Variants in SPEN observed in about 807,000 individuals in gnomAD.
The protein encoded by SPEN is spen family transcriptional repressor.
SPEN carries 18 observed loss-of-function variants against 269.9 expected under a neutral mutation model. The ratio of observed to expected loss-of-function variants is 0.07; its 90% CI spans 0.05 to 0.10. The LOEUF (loss-of-function observed/expected upper bound fraction) is 0.10. Ranked by LOEUF, SPEN falls within the 10% of genes least tolerant of loss-of-function variation. The probability of loss-of-function intolerance (pLI) is 1.00; values close to 1 mark genes in which losing one functional copy is unlikely to be tolerated. For missense variants in SPEN, 3,822 were observed against 4,631.2 expected, an observed-to-expected ratio of 0.83 and a Z score of 5.07; for synonymous variants, 1,726 against 1,765.7, an observed-to-expected ratio of 0.98 and a Z score of 0.56.
chr1:15,850,145 A>G (rs901547171), intron 1 of SPEN, among the ~76,000 whole-genome samples: 2 of 152,096 alleles, frequency 1.3e-5, no homozygotes, highest in African/African-American at 4.8e-5. Context: ...GCCAGGACCC[A>G]CTTTATGTGG....
Position 15,939,205 on chromosome 1 carries a change from T to TAAAG in SPEN, c.10864-90_10864-89insAAGA, listed in dbSNP as rs891625330. ...TTGGGGACTGATTTGGCCTGGCTCT[T>TAAAG]AGCATTGGGCCTCTTCAGGGCTCCC... On this transcript the variant is annotated intron_variant, in intron 14 of 14. Transcript: ENST00000375759. The surrounding 1 kb of genome is among the most constrained non-coding windows in gnomAD (Gnocchi z 4.1). 5.2e-5 allele frequency: 77 copies of TAAAG among 1,468,092 alleles called. No individual in the cohort carries two copies. The highest frequency in any genetic ancestry group is 6.5e-5 in the Non-Finnish European group (72 of 1,104,212). 90.9% of individuals were successfully genotyped at this position (1,468,092 alleles called of 1,614,324 possible). A position where few individuals can be genotyped will look rare whatever the true frequency, so the allele number is the denominator to read the frequency against.
intron 1 of SPEN, among the ~76,000 whole-genome samples, chr1:15,864,607 GTTT>G (rs34116041): frequency 9.7e-5 from 8 of 82,608 alleles, no homozygotes; most frequent in Admixed American, 1.3e-4. Flanking sequence ...AGGTTTGTGG[GTTT>G]TTTTTTTTTT....
intron 3 of SPEN, among the ~76,000 whole-genome samples, chr1:15,906,453 C>CTTTTTTTTTTTTT (rs200731520): frequency 4.3e-5 from 4 of 92,540 alleles, no homozygotes; most frequent in Admixed American, 2.3e-4. Context: ...TCTTTCTTTC[C>CTTTTTTTTTTTTT]TTTTTTTTTT....
intron 1 of SPEN, among the ~76,000 whole-genome samples, chr1:15,867,307 ACAT>A (rs2148708277): frequency 6.6e-6 from 1 of 152,274 alleles, no homozygotes; most frequent in Non-Finnish European, 1.5e-5. Flanking sequence ...ATATATCAGA[ACAT>A]CATTCTTTTT....
intron 3 of SPEN, among the ~76,000 whole-genome samples, chr1:15,897,435 T>C (rs2070853436): frequency 6.6e-6 from 1 of 151,764 alleles, no homozygotes; most frequent in African/African-American, 2.4e-5. Flanking sequence ...TAGTCTCGGC[T>C]AACCGCAACC....
chr1:15,915,538 T>C (rs2071050192), intron 5 of SPEN, among the ~76,000 whole-genome samples: 1 of 152,186 alleles, frequency 6.6e-6, no homozygotes, highest in South Asian at 2.1e-4. Context: ...TTATTTTTTC[T>C]ATTTTATTTT....
At chr1:15,923,739 G>A (rs1488470770) in intron 10 of SPEN, among the ~76,000 whole-genome samples, 2 of 149,404 alleles carry the variant, frequency 1.3e-5, no homozygotes, top group African/African-American at 5.0e-5. Context: ...ATGCGATATT[G>A]GCTTACTGCA....
At chr1:15,918,383 T>A (rs566740833) in intron 6 of SPEN, among the ~76,000 whole-genome samples, 1 of 152,362 alleles carries the variant, frequency 6.6e-6, no homozygotes, top group South Asian at 2.1e-4. Flanking sequence ...CATGCCTGGC[T>A]AATTTTTGTA....
chr1:15,873,267 C>T (rs1230616054), intron 2 of SPEN, 131 bp downstream of exon 2: 11 of 1,399,150 alleles, frequency 7.9e-6, no homozygotes, highest in South Asian at 1.8e-5. Context: ...GGGTTGGAAA[C>T]GGAAGTGATT....
intron 3 of SPEN, among the ~76,000 whole-genome samples, chr1:15,906,453 C>CTTTTT (rs200731520): frequency 1.4e-3 from 131 of 92,570 alleles, no homozygotes; most frequent in Non-Finnish European, 1.9e-3. Flanking sequence ...TCTTTCTTTC[C>CTTTTT]TTTTTTTTTT....
intron 3 of SPEN, among the ~76,000 whole-genome samples, chr1:15,905,717 C>T (rs531016651): frequency 7.2e-5 from 11 of 151,814 alleles, no homozygotes; most frequent in African/African-American, 1.2e-4. Context: ...GGACTACAGA[C>T]GCACGCCACC....
intron 3 of SPEN, among the ~76,000 whole-genome samples, chr1:15,883,559 T>C (rs1441908016): frequency 6.6e-6 from 1 of 151,900 alleles, no homozygotes; most frequent in South Asian, 2.1e-4. Context: ...TAGCTGGGAC[T>C]ATAGGCATGC....
chr1:15,892,012 CTTTTTTTTTTTTT>C (rs71003216), intron 3 of SPEN, among the ~76,000 whole-genome samples: 4 of 74,568 alleles, frequency 5.4e-5, no homozygotes, highest in African/African-American at 1.1e-4. Context: ...TTTCTTTTTA[CTTTTTTTTTTTTT>C]TTTTTTTTTT....
At chr1:15,913,544 G>A (rs1454942804) in intron 5 of SPEN, among the ~76,000 whole-genome samples, 7 of 151,890 alleles carry the variant, frequency 4.6e-5, no homozygotes, top group East Asian at 2.0e-4. Context: ...CCAAAACCTC[G>A]ACCTCCTGGG....
chr1:15,876,151 A>G (rs887130191), intron 2 of SPEN, 51 bp from the exon 3 acceptor site: 1 of 1,406,404 alleles, frequency 7.1e-7, no homozygotes. Flanking sequence ...ACTTGCTTTT[A>G]GTTTTGCTTG....
At chr1:15,904,724 A>G (rs1337521341) in intron 3 of SPEN, among the ~76,000 whole-genome samples, 1 of 145,424 alleles carries the variant, frequency 6.9e-6, no homozygotes, top group South Asian at 2.2e-4. Flanking sequence ...AAGTGCTGGG[A>G]TTACAGGCAT....
chr1:15,929,000 T>G lies in SPEN; in HGVS notation c.2760T>G (p.Ser920=), dbSNP rs745885388. The change falls in exon 11 of 15, where the codon TCT becomes TCG. Residue 920 remains serine (S), a synonymous_variant. Coordinates refer to ENST00000375759, the MANE Select transcript of SPEN (RefSeq NM_015001.3). The surrounding 1 kb of genome is among the most constrained non-coding windows in gnomAD (Gnocchi z 5.7). ...SSALDQKLQV[S]QTEPAKSDLS... is the part of the protein sequence containing the mutation. The stretch of plus-strand genomic sequence containing the variant: ...CCCTGGACCAGAAACTTCAGGTCTC[T>G]CAGACGGAGCCTGCAAAATCTGACT... 1 of 1,614,200 alleles carries G rather than the reference T, an allele frequency of 6.2e-7. No individual in the cohort carries two copies. Among genetic ancestry groups the G allele is most frequent in the South Asian group, 1.1e-5 (1 of 91,084 alleles).
In SPEN at chr1:15,932,556, G is replaced by A; in HGVS notation, c.6316G>A (p.Ala2106Thr). Reference protein sequence around the residue: ...VDAAVSPRGAAAQAGERESGV... With the variant: ...VDAAVSPRGATAQAGERESGV... Reference sequence around the variant, plus strand: ...TGCTGCTGTCAGTCCCAGGGGGGCTGCAGCACAGGCAGGGGAGAGGGAATC... The same window carrying A: ...TGCTGCTGTCAGTCCCAGGGGGGCTACAGCACAGGCAGGGGAGAGGGAATC... Residue 2106 changes from alanine to threonine, a missense_variant, in exon 11 of 15, where the codon GCA (alanine) becomes ACA (threonine). Transcript: ENST00000375759. This position sits in a 1 kb window ranked among gnomAD's most constrained non-coding sequence, Gnocchi z 4.2. The A allele has an allele frequency of 6.3e-7, 1 of 1,599,006 alleles. No individual in the cohort carries two copies. The highest frequency in any genetic ancestry group is 8.5e-7 in the Non-Finnish European group (1 of 1,171,018).
Position 15,929,770 on chromosome 1 carries a change from G to A in SPEN, c.3530G>A (p.Arg1177His). ...QSYRKQMEQS[R>H]RKQQMEMEIA... ...TACCGAAAACAAATGGAACAGAGTC[G>A]TAGGAAACAGCAGATGGAAATGGAA... The change falls in exon 11 of 15, where the codon CGT (arginine) becomes CAT (histidine). Residue 1177 changes from arginine (R) to histidine (H), a missense_variant. Physicochemically the swap from Arg to His is conservative, Grantham distance 29. Transcript: ENST00000375759. This position sits in a 1 kb window ranked among gnomAD's most constrained non-coding sequence, Gnocchi z 5.8. The A allele has an allele frequency of 6.2e-7, 1 of 1,614,138 alleles. No individual in the cohort carries two copies. The highest frequency in any genetic ancestry group is 8.5e-7 in the Non-Finnish European group (1 of 1,180,030).
Sources: allele counts gnomAD v4.1 joint callset (sites outside exome capture counted in the v4.1 genomes callset), GRCh38; gene constraint gnomAD v4.1.1; non-coding constraint Gnocchi (gnomAD v3.1); transcripts MANE v1.5; gene names NCBI Gene and HGNC (gene_info 2026-07-23, HGNC 2026-07-21).